Variants in SLC22A23 observed in about 807,000 individuals in gnomAD.
SLC22A23 encodes ion transporter protein.
SLC22A23 carries 26 observed loss-of-function variants against 61.0 expected under a neutral mutation model. That is an observed-to-expected ratio of 0.43 (90% CI 0.31 to 0.59). The LOEUF (loss-of-function observed/expected upper bound fraction) is 0.59. SLC22A23 is among the 20% of genes least tolerant of loss of function. The pLI, the probability that SLC22A23 is intolerant of heterozygous loss-of-function variation, is 0.11. For synonymous variants in SLC22A23, 430 were observed against 413.9 expected, an observed-to-expected ratio of 1.04 and a Z score of -0.47; for missense variants, 796 against 934.7, an observed-to-expected ratio of 0.85 and a Z score of 1.94.
chr6:3,376,107 C>T (rs920635577), intron 3 of SLC22A23, among the ~76,000 whole-genome samples: 2 of 152,156 alleles, frequency 1.3e-5, no homozygotes, highest in African/African-American at 4.8e-5. Context: ...TTTTATTAAA[C>T]AATTGTGCCA....
At chr6:3,315,882 A>G (rs934413109) in intron 4 of SLC22A23, among the ~76,000 whole-genome samples, 1 of 152,074 alleles carries the variant, frequency 6.6e-6, no homozygotes, top group Non-Finnish European at 1.5e-5. Flanking sequence ...AAAGAAAAGA[A>G]AAGAAAAGAA....
intron 3 of SLC22A23, among the ~76,000 whole-genome samples, chr6:3,388,989 C>T (rs551623565): frequency 1.1e-4 from 17 of 152,092 alleles, no homozygotes; most frequent in Middle Eastern, 6.8e-3. Flanking sequence ...GTGGTGGCTG[C>T]GGGCGTGGTG....
intron 9 of SLC22A23, among the ~76,000 whole-genome samples, chr6:3,275,526 A>T (rs1306844059): frequency 6.6e-6 from 1 of 152,190 alleles, no homozygotes; most frequent in African/African-American, 2.4e-5. Flanking sequence ...AGAAAAAAAG[A>T]CCATAGACTG....
rs374183830 is a variant in SLC22A23, at chr6:3,410,239, A to C, written c.862T>G (p.Phe288Val). The C allele has an allele frequency of 3.7e-6, 6 of 1,613,920 alleles. No homozygotes were observed. The African/African-American group carries it at 8.0e-5, about 22-fold the overall frequency. ...VNVTMFSTLR[F>V]FEGFCLAGII... Reference sequence around the variant, plus strand: ...CCAGCCAGGCAAAATCCTTCAAAGAACCTGAGTGTGCTGAACATTGTCACA... The same window carrying C: ...CCAGCCAGGCAAAATCCTTCAAAGACCCTGAGTGTGCTGAACATTGTCACA... Residue 288 changes from phenylalanine (F) to valine (V), a missense_variant, in exon 3 of 10, where the codon TTC becomes GTC. Transcript: ENST00000406686. This position sits in a 1 kb window ranked among gnomAD's most constrained non-coding sequence, Gnocchi z 5.0.
In SLC22A23 at chr6:3,309,126, C is replaced by CAG. The variant is rs1762195326; in HGVS notation, c.1083-10909_1083-10908insCT. ...ACCAGCCTGTCCAACATGGTGAAAC[C>CAG]CCCATCTCTACTAAAAACGCAAAAA... On this transcript the variant is annotated intron_variant, in intron 4 of 9. Transcript: ENST00000406686. This position sits in a 1 kb window ranked among gnomAD's most constrained non-coding sequence, Gnocchi z 4.7. 6.7e-6 allele frequency among the ~76,000 whole-genome samples: 1 copy of CAG among 150,362 alleles called. No homozygotes were observed. Among genetic ancestry groups the CAG allele is most frequent in the African/African-American group, 2.5e-5 (1 of 40,748 alleles).
rs1194088662 is a variant in SLC22A23, at chr6:3,272,429, G to C, written c.*626C>G. The C allele has an allele frequency of 6.5e-6, 1 of 152,776 alleles. No homozygotes were observed. The highest frequency in any genetic ancestry group is 1.5e-5 in the Non-Finnish European group (1 of 68,050). 9.5% of individuals were successfully genotyped at this position (152,776 alleles called of 1,614,324 possible). A position where few individuals can be genotyped will look rare whatever the true frequency, so the allele number is the denominator to read the frequency against. On this transcript the variant is annotated 3_prime_UTR_variant, in exon 10 of 10. Transcript: ENST00000406686. ...TACAAAAGGATGATCCTGAAGGAAA[G>C]ATGAAGCTGGTTTTAACGGCGTCTG...
intron 3 of SLC22A23, among the ~76,000 whole-genome samples, chr6:3,403,401 T>C (rs1039651777): frequency 2.7e-5 from 4 of 149,492 alleles, no homozygotes; most frequent in African/African-American, 9.8e-5. Flanking sequence ...CCAGCAAACA[T>C]GTGGTAAGAG....
intron 1 of SLC22A23, among the ~76,000 whole-genome samples, chr6:3,429,582 G>A (rs796737490): frequency 4.6e-5 from 7 of 152,244 alleles, no homozygotes; most frequent in African/African-American, 1.7e-4. Flanking sequence ...CAAAAGCAGG[G>A]ACATACAAAG....
At chr6:3,385,830 C>T (rs1767263835) in intron 3 of SLC22A23, among the ~76,000 whole-genome samples, 1 of 152,226 alleles carries the variant, frequency 6.6e-6, no homozygotes, top group Non-Finnish European at 1.5e-5. Context: ...AAACAAACAA[C>T]ATTCCTCAGA....
At chr6:3,449,904 G>C (rs1253631577) in intron 1 of SLC22A23, among the ~76,000 whole-genome samples, 1 of 152,214 alleles carries the variant, frequency 6.6e-6, no homozygotes, top group Non-Finnish European at 1.5e-5. Context: ...TGCTTCCTCG[G>C]TAAGTGATTA....
At chr6:3,434,293 A>C (rs1771061252) in intron 1 of SLC22A23, among the ~76,000 whole-genome samples, 1 of 152,046 alleles carries the variant, frequency 6.6e-6, no homozygotes. Flanking sequence ...ACCCTGGGCG[A>C]CAGAGCGAAA....
chr6:3,349,459 C>G (rs1449069136), intron 3 of SLC22A23, among the ~76,000 whole-genome samples: 2 of 152,182 alleles, frequency 1.3e-5, no homozygotes, highest in African/African-American at 2.4e-5. Context: ...TTTCTGGAAC[C>G]CTCTCTAGAA....
At chr6:3,276,800 A>T (rs1016796960) in intron 9 of SLC22A23, 2 of 152,252 alleles carry the variant, frequency 1.3e-5, no homozygotes, top group Non-Finnish European at 2.9e-5. Context: ...ATTAGCCTCC[A>T]AGCCTTGAGT....
chr6:3,283,724 C>T, intron 9 of SLC22A23, 128 bp downstream of exon 9: 1 of 1,502,394 alleles, frequency 6.7e-7, no homozygotes, highest in Non-Finnish European at 9.0e-7. Context: ...AGCTATGAAC[C>T]ACGAAGCTGA....
In SLC22A23 at chr6:3,455,977, C is replaced by T. The variant is rs1399473398; in HGVS notation, c.583G>A (p.Ala195Thr). 1.9e-6 allele frequency: 3 copies of T among 1,546,130 alleles called. No individual in the cohort carries two copies. Among genetic ancestry groups the T allele is most frequent in the Non-Finnish European group, 1.7e-6 (2 of 1,145,434 alleles). ...LPSPPDKGDN[A>T]SNCDCRAWDY... is the part of the protein sequence containing the mutation. The stretch of plus-strand genomic sequence containing the variant: ...CATGCGCGGCAGTCACAGTTGGAGG[C>T]GTTGTCCCCCTTGTCCGGAGGGGAT... The change falls in exon 1 of 10, where the codon GCC becomes ACC. Residue 195 changes from alanine to threonine, a missense_variant. Coordinates refer to ENST00000406686, the MANE Select transcript of SLC22A23 (RefSeq NM_015482.2).
chr6:3,308,109 T>C lies in SLC22A23; in HGVS notation c.1083-9891A>G, dbSNP rs942245749. Among the ~76,000 whole-genome samples the C allele has an allele frequency of 1.3e-5, 2 of 152,144 alleles. No individual in the cohort carries two copies. Among genetic ancestry groups the C allele is most frequent in the Non-Finnish European group, 2.9e-5 (2 of 68,032 alleles). On this transcript the variant is annotated intron_variant, in intron 4 of 9. Transcript: ENST00000406686. This position sits in a 1 kb window ranked among gnomAD's most constrained non-coding sequence, Gnocchi z 5.1. Reference sequence around the variant, plus strand: ...AAATTCTAGAAATGGATGGTGGAGATGGCTGCACAACATCGCGTTGTGGAT... The same window carrying C: ...AAATTCTAGAAATGGATGGTGGAGACGGCTGCACAACATCGCGTTGTGGAT...
chr6:3,363,227 C>A (rs546304442), intron 3 of SLC22A23, among the ~76,000 whole-genome samples: 1 of 152,354 alleles, frequency 6.6e-6, no homozygotes, highest in East Asian at 1.9e-4. Flanking sequence ...AGTCAGTTTT[C>A]TTTTCCTGCA....
At chr6:3,392,021 G>A (rs780479787) in intron 3 of SLC22A23, among the ~76,000 whole-genome samples, 17 of 152,052 alleles carry the variant, frequency 1.1e-4, no homozygotes, top group Non-Finnish European at 2.1e-4. Flanking sequence ...TGGAATGCAC[G>A]ATGGAAGCTG....
intron 1 of SLC22A23, among the ~76,000 whole-genome samples, chr6:3,418,290 T>C (rs575695589): frequency 6.6e-6 from 1 of 152,342 alleles, no homozygotes; most frequent in South Asian, 2.1e-4. Flanking sequence ...AGACTTCCCA[T>C]TGATGAGTTT....
Sources: allele counts gnomAD v4.1 joint callset (sites outside exome capture counted in the v4.1 genomes callset), GRCh38; gene constraint gnomAD v4.1.1; non-coding constraint Gnocchi (gnomAD v3.1); transcripts MANE v1.5; gene names NCBI Gene and HGNC (gene_info 2026-07-23, HGNC 2026-07-21).